FARSB: variants seen among roughly 807,000 people sequenced by gnomAD.
FARSB encodes phenylalanyl-tRNA synthetase subunit beta, also known as phenylalanine--tRNA ligase beta subunit.
FARSB carries 40 observed loss-of-function variants against 69.6 expected under a neutral mutation model. The observed-to-expected ratio is 0.57, with a 90% CI of 0.45 to 0.75. The LOEUF is 0.75. Among genes scored for constraint, FARSB ranks in the 30% least tolerant of loss-of-function variants. The probability of loss-of-function intolerance (pLI) is 0.00; values close to 1 mark genes in which losing one functional copy is unlikely to be tolerated. For synonymous variants in FARSB, 235 were observed against 247.2 expected, an observed-to-expected ratio of 0.95 and a Z score of 0.46; for missense variants, 632 against 722.9, an observed-to-expected ratio of 0.87 and a Z score of 1.44.
At chr2:222,598,423 A>G (rs1217702743) in intron 16 of FARSB, among the ~76,000 whole-genome samples, 3 of 152,218 alleles carry the variant, frequency 2.0e-5, no homozygotes, top group Admixed American at 6.5e-5. Flanking sequence ...CATCACATCC[A>G]CCACAAGCTA....
At chr2:222,608,666 G>A (rs747478618) in intron 15 of FARSB, among the ~76,000 whole-genome samples, 27 of 152,116 alleles carry the variant, frequency 1.8e-4, no homozygotes, top group Admixed American at 2.6e-4. Flanking sequence ...TAGATCATTC[G>A]CTCATTTAGA....
intron 16 of FARSB, among the ~76,000 whole-genome samples, chr2:222,575,714 A>G (rs1449989896): frequency 4.6e-5 from 7 of 152,224 alleles, no homozygotes; most frequent in Admixed American, 4.6e-4. Flanking sequence ...GTAAGCACAA[A>G]AAAGAATTCA....
intron 1 of FARSB, among the ~76,000 whole-genome samples, chr2:222,649,759 A>G (rs1691980248): frequency 6.6e-6 from 1 of 152,234 alleles, no homozygotes; most frequent in South Asian, 2.1e-4. Flanking sequence ...CAATTAATAA[A>G]ATAAGTTCTC....
chr2:222,593,244 A>T (rs1217925148), intron 16 of FARSB, among the ~76,000 whole-genome samples: 1 of 152,174 alleles, frequency 6.6e-6, no homozygotes, highest in Non-Finnish European at 1.5e-5. Context: ...AATGGTTTGC[A>T]TTGCTCCAAA....
At chr2:222,635,877 C>G (rs112165617) in intron 5 of FARSB, among the ~76,000 whole-genome samples, 9,402 of 151,986 alleles carry the variant, frequency 0.062, 606 homozygotes, top group African/African-American at 0.17. Flanking sequence ...CCCAAGAGTT[C>G]AAGACCAGCC....
chr2:222,588,915 C>G (rs577268869), intron 16 of FARSB, among the ~76,000 whole-genome samples: 2 of 152,086 alleles, frequency 1.3e-5, no homozygotes, highest in African/African-American at 4.8e-5. Flanking sequence ...GAATCAATAT[C>G]GTGAAAATGG....
intron 14 of FARSB, among the ~76,000 whole-genome samples, chr2:222,617,798 G>A (rs1049837690): frequency 1.3e-5 from 2 of 152,188 alleles, no homozygotes; most frequent in African/African-American, 2.4e-5. Context: ...CACAAGAATC[G>A]CTTGAACCCA....
intron 4 of FARSB, among the ~76,000 whole-genome samples, chr2:222,640,400 G>C (rs984646075): frequency 6.6e-6 from 1 of 152,018 alleles, no homozygotes; most frequent in African/African-American, 2.4e-5. Context: ...TGCAGGGGAA[G>C]GATCCTTTGA....
chr2:222,623,830 A>G lies in FARSB; in HGVS notation c.1171-100T>C, dbSNP rs527384586. On this transcript the variant is annotated intron_variant, in intron 12 of 16. Coordinates refer to ENST00000281828, the MANE Select transcript of FARSB (RefSeq NM_005687.5). ...TGCCATTAAAACTTTTTTAAATAAA[A>G]ATGTTTAAAAGATTAAAAACCTTTT... 1.4e-4 allele frequency: 105 copies of G among 756,510 alleles called. No individual in the cohort carries two copies. The African/African-American group carries it at 1.7e-3, about 13-fold the overall frequency. 46.9% of individuals were successfully genotyped at this position (756,510 alleles called of 1,614,324 possible). A position where few individuals can be genotyped will look rare whatever the true frequency, so the allele number is the denominator to read the frequency against.
intron 15 of FARSB, among the ~76,000 whole-genome samples, chr2:222,604,855 G>A (rs889358752): frequency 1.3e-5 from 2 of 150,858 alleles, no homozygotes; most frequent in South Asian, 2.1e-4. Flanking sequence ...CTACAGGCAT[G>A]AGCCACCATG....
intron 3 of FARSB, among the ~76,000 whole-genome samples, chr2:222,642,348 C>T (rs1691744484): frequency 6.6e-6 from 1 of 152,176 alleles, no homozygotes; most frequent in African/African-American, 2.4e-5. Flanking sequence ...TATAAATCTT[C>T]TTCATTATAG....
chr2:222,652,972 T>G (rs1692076095), intron 1 of FARSB, among the ~76,000 whole-genome samples: 2 of 152,130 alleles, frequency 1.3e-5, no homozygotes, highest in African/African-American at 4.8e-5. Flanking sequence ...AAATCAACAA[T>G]AAAATCGTGA....
chr2:222,582,394 G>A (rs1689992025), intron 16 of FARSB, among the ~76,000 whole-genome samples: 1 of 152,112 alleles, frequency 6.6e-6, no homozygotes, highest in Admixed American at 6.5e-5. Context: ...ACAGGTGTGT[G>A]CACACATACA....
chr2:222,588,120 T>C (rs1465038805), intron 16 of FARSB, among the ~76,000 whole-genome samples: 1 of 152,180 alleles, frequency 6.6e-6, no homozygotes, highest in Admixed American at 6.5e-5. Flanking sequence ...AATAAAATAC[T>C]GGCAAAACGA....
At chr2:222,603,955 G>A (rs1348353694) in intron 15 of FARSB, among the ~76,000 whole-genome samples, 3 of 151,940 alleles carry the variant, frequency 2.0e-5, no homozygotes, top group Non-Finnish European at 4.4e-5. Flanking sequence ...GGTGGCTCAC[G>A]CCTGTAATCC....
intron 14 of FARSB, among the ~76,000 whole-genome samples, chr2:222,619,358 A>T (rs968817639): frequency 6.6e-6 from 1 of 152,020 alleles, no homozygotes; most frequent in African/African-American, 2.4e-5. Context: ...AAATAGTATT[A>T]AAAAATCAAT....
At chr2:222,605,510 A>T (rs537474637) in intron 15 of FARSB, among the ~76,000 whole-genome samples, 1 of 152,350 alleles carries the variant, frequency 6.6e-6, no homozygotes, top group South Asian at 2.1e-4. Context: ...TTTCTAAATT[A>T]TGTAAAGCTT....
rs2106230773 is a variant in FARSB at position 222,634,659 on chromosome 2, T to A, written c.456-118A>T. The A allele has an allele frequency of 5.9e-6, 4 of 676,238 alleles. No homozygotes were observed. The East Asian group carries it at 1.2e-4, about 20-fold the overall frequency. 41.9% of individuals were successfully genotyped at this position (676,238 alleles called of 1,614,324 possible). ...TAACATAAATATAGACTACATATTT[T>A]TTTTAATTATTTCAGATACTTCCCT... On this transcript the variant is annotated intron_variant, in intron 5 of 16. Transcript: ENST00000281828.
intron 5 of FARSB, among the ~76,000 whole-genome samples, chr2:222,636,079 CAAAAAAAAA>C (rs1466735572): frequency 1.2e-5 from 1 of 83,284 alleles, no homozygotes; most frequent in Non-Finnish European, 2.5e-5. Context: ...GACTCTGTCT[CAAAAAAAAA>C]AAAAAAAAGA....
Sources: gnomAD v4.1 joint callset for allele counts (sites outside exome capture counted in the v4.1 genomes callset) on GRCh38, gnomAD v4.1.1 for gene constraint, MANE v1.5 for transcripts, NCBI Gene and HGNC (gene_info 2026-07-23, HGNC 2026-07-21) for gene names.